Variants in BRCA2 observed in about 807,000 individuals in gnomAD.
BRCA2 encodes the protein BRCA2 DNA repair associated, also known as breast cancer type 2 susceptibility protein.
BRCA2 carries 203 observed loss-of-function variants against 276.7 expected under a neutral mutation model. The ratio of observed to expected loss-of-function variants is 0.73; its 90% CI spans 0.65 to 0.82. The LOEUF is 0.82. Ranked by LOEUF, BRCA2 falls within the 40% of genes least tolerant of loss-of-function variation. The pLI, the probability that BRCA2 is intolerant of heterozygous loss-of-function variation, is 0.00. For missense variants in BRCA2, 3,920 were observed against 3,915.0 expected, an observed-to-expected ratio of 1.00 and a Z score of -0.03; for synonymous variants, 1,289 against 1,338.4, an observed-to-expected ratio of 0.96 and a Z score of 0.81.
chr13:32,395,057 A>T, intron 25 of BRCA2, 124 bp downstream of exon 25: 2 of 1,357,262 alleles, frequency 1.5e-6, no homozygotes, highest in South Asian at 2.6e-5. Context: ...AAGTTTAATC[A>T]TATATTAATT....
At chr13:32,368,797 T>G (rs1566247940) in intron 18 of BRCA2, among the ~76,000 whole-genome samples, 3 of 98,814 alleles carry the variant, frequency 3.0e-5, no homozygotes, top group Admixed American at 2.1e-4. Context: ...TTTGTTTTTT[T>G]GTTTTTTTTT....
rs747664806 is a variant in BRCA2, at chr13:32,370,422, G to T, written c.8352G>T (p.Arg2784=). Reference sequence around the variant, plus strand: ...TCCAGATTTCTGCTAACAGTACTCGGCCTGCTCGCTGGTATACCAAACTTG... The same window carrying T: ...TCCAGATTTCTGCTAACAGTACTCGTCCTGCTCGCTGGTATACCAAACTTG... ...LMLKISANST[R]PARWYTKLGF... The change falls in exon 19 of 27, where the codon CGG becomes CGT. Residue 2784 remains arginine, a synonymous_variant. Transcript: ENST00000380152. 17 of 1,613,530 alleles carry T rather than the reference G, an allele frequency of 1.1e-5. No individual in the cohort carries two copies. In the Admixed American group the frequency reaches 2.8e-4, roughly 27 times the overall value.
chr13:32,316,497 G>A lies in BRCA2; in HGVS notation c.37G>A (p.Glu13Lys), dbSNP rs80358622. The change falls in exon 2 of 27, where the codon GAA (glutamate) becomes AAA (lysine). Residue 13 changes from glutamate to lysine, a missense_variant. Around this residue, in one of 2 missense-constraint regions of BRCA2, gnomAD observed 3,263 missense variants for 3,156.9 expected, o/e 1.03. Coordinates refer to ENST00000380152, the MANE Select transcript of BRCA2 (RefSeq NM_000059.4). ...ATCCAAAGAGAGGCCAACATTTTTT[G>A]AAATTTTTAAGACACGCTGCAACAA... ...IGSKERPTFF[E>K]IFKTRCNKAD... 6.2e-7 allele frequency: 1 copy of A among 1,613,968 alleles called. No homozygotes were observed. Among genetic ancestry groups the A allele is most frequent in the African/African-American group, 1.3e-5 (1 of 75,008 alleles).
chr13:32,343,491 TAATCA>T (rs978511284), intron 11 of BRCA2, among the ~76,000 whole-genome samples: 2 of 152,196 alleles, frequency 1.3e-5, no homozygotes, highest in Non-Finnish European at 2.9e-5. Flanking sequence ...CAGATTTACT[TAATCA>T]AGTGTTGTCC....
rs2137517232 is a variant in BRCA2, at chr13:32,339,763, C to A, written c.5408C>A (p.Thr1803Asn). Residue 1803 changes from threonine (T) to asparagine (N), a missense_variant, in exon 11 of 27, where the codon ACT (threonine) becomes AAT (asparagine). By Grantham distance (65) the Thr-to-Asn change is moderately conservative. Coordinates refer to ENST00000380152, the MANE Select transcript of BRCA2 (RefSeq NM_000059.4). Reference sequence around the variant, plus strand: ...AAAGATGCAAATGCATACCCACAAACTGTAAATGAAGATATTTGCGTTGAG... The same window carrying A: ...AAAGATGCAAATGCATACCCACAAAATGTAAATGAAGATATTTGCGTTGAG... Reference protein sequence around the residue: ...NVKDANAYPQTVNEDICVEEL... With the variant: ...NVKDANAYPQNVNEDICVEEL... 1 of 1,613,878 alleles carries A rather than the reference C, an allele frequency of 6.2e-7. No individual in the cohort carries two copies.
rs1593896974 is a variant in BRCA2, at chr13:32,336,813, G to C, written c.2458G>C (p.Asp820His). 1 of 1,606,568 alleles carries C rather than the reference G, an allele frequency of 6.2e-7. No individual in the cohort carries two copies. Among genetic ancestry groups the C allele is most frequent in the Non-Finnish European group, 8.5e-7 (1 of 1,177,896 alleles). ...AAATATTCCCATGGAAAAGAATCAA[G>C]ATGTATGTGCTTTAAATGAAAATTA... ...TKNIPMEKNQDVCALNENYKN... is the reference protein window; with the variant it reads ...TKNIPMEKNQHVCALNENYKN... The change falls in exon 11 of 27, where the codon GAT (aspartate) becomes CAT (histidine). Residue 820 changes from aspartate (D) to histidine (H), a missense_variant. Around this residue, in one of 2 missense-constraint regions of BRCA2, gnomAD observed 3,263 missense variants for 3,156.9 expected, o/e 1.03. Transcript: ENST00000380152.
At chr13:32,351,179 G>A (rs1468302046) in intron 13 of BRCA2, among the ~76,000 whole-genome samples, 2 of 152,176 alleles carry the variant, frequency 1.3e-5, no homozygotes, top group Non-Finnish European at 2.9e-5. Context: ...GAATCTTGCT[G>A]CTGCTCACTC....
rs753512842 is a variant in BRCA2, at chr13:32,332,833, T to C, written c.1355T>C (p.Leu452Pro). Residue 452 changes from leucine (L) to proline (P), a missense_variant, in exon 10 of 27, where the codon CTA (leucine) becomes CCA (proline). Transcript: ENST00000380152. ...SENSLPRISSLPKSEKPLNEE... is the reference protein window; with the variant it reads ...SENSLPRISSPPKSEKPLNEE... ...AATTCTTTGCCACGTATTTCTAGCC[T>C]ACCAAAATCAGAGAAGCCATTAAAT... 2.5e-6 allele frequency: 4 copies of C among 1,611,368 alleles called. No homozygotes were observed. The highest frequency in any genetic ancestry group is 3.4e-6 in the Non-Finnish European group (4 of 1,179,388).
chr13:32,348,869 C>T (rs2072628470), intron 13 of BRCA2, among the ~76,000 whole-genome samples: 1 of 152,012 alleles, frequency 6.6e-6, no homozygotes, highest in African/African-American at 2.4e-5. Flanking sequence ...AGTTTGCCTT[C>T]AAGATAAAAA....
At position 32,396,886 on chromosome 13, in the gene BRCA2, T is replaced by G. The variant is rs81002803; in HGVS notation, c.9502-12T>G. The G allele has an allele frequency of 1.2e-4, 186 of 1,613,892 alleles. No homozygotes were observed. The highest frequency in any genetic ancestry group is 1.5e-4 in the Non-Finnish European group (175 of 1,179,932). ...GCAATTTATAAAGCAGCTTTTCCAC[T>G]TATTTTCTTAGAATATTGACATACT... On this transcript the variant is annotated splice_polypyrimidine_tract_variant and intron_variant, in intron 25 of 26. Coordinates refer to ENST00000380152, the MANE Select transcript of BRCA2 (RefSeq NM_000059.4).
Position 32,339,044 on chromosome 13 carries a change from G to T in BRCA2, c.4689G>T (p.Trp1563Cys), listed in dbSNP as rs886038108. 1 of 1,613,958 alleles carries T rather than the reference G, an allele frequency of 6.2e-7. No individual in the cohort carries two copies. The change falls in exon 11 of 27, where the codon TGG becomes TGT. Residue 1563 changes from tryptophan to cysteine, a missense_variant. Transcript: ENST00000380152. ...TSEITSFSHQ[W>C]AKTLKYREAC... ...AAATCACCAGTTTTAGCCATCAATGGGCAAAGACCCTAAAGTACAGAGAGG... is the reference window on the plus strand; with the variant it reads ...AAATCACCAGTTTTAGCCATCAATGTGCAAAGACCCTAAAGTACAGAGAGG...
At chr13:32,388,579 G>C (rs1042362710) in intron 24 of BRCA2, among the ~76,000 whole-genome samples, 1 of 151,638 alleles carries the variant, frequency 6.6e-6, no homozygotes, top group Non-Finnish European at 1.5e-5. Flanking sequence ...TTGCTCAACT[G>C]TAGGCTAATA....
At chr13:32,350,179 C>A (rs1048285554) in intron 13 of BRCA2, among the ~76,000 whole-genome samples, 2 of 152,054 alleles carry the variant, frequency 1.3e-5, no homozygotes, top group African/African-American at 2.4e-5. Context: ...TCACTCTTAA[C>A]TATAAACAGA....
chr13:32,332,724 A>G lies in BRCA2; in HGVS notation c.1246A>G (p.Ile416Val), dbSNP rs786203710. Residue 416 changes from isoleucine to valine, a missense_variant, in exon 10 of 27, where the codon ATT (isoleucine) becomes GTT (valine). Ile to Val is a conservative substitution (Grantham distance 29). Transcript: ENST00000380152. ...AQMEKIPLLH[I>V]SSCDQNISEK... is the part of the protein sequence containing the mutation. The stretch of plus-strand genomic sequence containing the variant: ...GATGGAGAAAATACCCCTATTGCAT[A>G]TTTCTTCATGTGACCAAAATATTTC... 5.6e-6 allele frequency: 9 copies of G among 1,613,206 alleles called. No individual in the cohort carries two copies. Among genetic ancestry groups the G allele is most frequent in the Non-Finnish European group, 7.6e-6 (9 of 1,179,678 alleles).
rs1799952 is a variant in BRCA2 at position 32,337,871 on chromosome 13, G to T, written c.3516G>T (p.Ser1172=). The T allele has an allele frequency of 6.2e-7, 1 of 1,614,050 alleles. No individual in the cohort carries two copies. Among genetic ancestry groups the T allele is most frequent in the Non-Finnish European group, 8.5e-7 (1 of 1,179,972 alleles). The change falls in exon 11 of 27, where the codon TCG becomes TCT. Residue 1172 remains serine, a synonymous_variant. Transcript: ENST00000380152. ...ADLHVIMNAP[S]IGQVDSSKQF... ...TTCATGTCATAATGAATGCCCCATC[G>T]ATTGGTCAGGTAGACAGCAGCAAGC...
intron 18 of BRCA2, among the ~76,000 whole-genome samples, chr13:32,364,585 A>G (rs1004249375): frequency 2.6e-5 from 4 of 151,540 alleles, no homozygotes; most frequent in Non-Finnish European, 4.4e-5. Flanking sequence ...ATAATGACTG[A>G]AAAATATTTT....
At chr13:32,342,897 T>A (rs992592605) in intron 11 of BRCA2, among the ~76,000 whole-genome samples, 1 of 152,002 alleles carries the variant, frequency 6.6e-6, no homozygotes, top group Non-Finnish European at 1.5e-5. Flanking sequence ...AATATAAAAA[T>A]TAGCTGGGCA....
intron 20 of BRCA2, among the ~76,000 whole-genome samples, chr13:32,373,100 T>C (rs914304173): frequency 6.6e-6 from 1 of 151,710 alleles, no homozygotes; most frequent in Non-Finnish European, 1.5e-5. Flanking sequence ...CAAGCAATTC[T>C]CATGCCTCAG....
intron 15 of BRCA2, among the ~76,000 whole-genome samples, chr13:32,357,099 C>T (rs776225691): frequency 3.9e-5 from 6 of 152,180 alleles, no homozygotes; most frequent in East Asian, 1.9e-4. Context: ...ACTTCACATG[C>T]ATTAGGTATA....
Sources: allele counts gnomAD v4.1 joint callset (sites outside exome capture counted in the v4.1 genomes callset), GRCh38; gene constraint gnomAD v4.1.1; regional missense constraint gnomAD v4.1.1; transcripts MANE v1.5; gene names NCBI Gene and HGNC (gene_info 2026-07-23, HGNC 2026-07-21).